The following BAIAP2L1 variants were observed in gnomAD, a reference collection of about 807,000 sequenced individuals.
The protein encoded by BAIAP2L1 is BAR/IMD domain-containing adapter protein 2-like 1.
A neutral mutation model predicts 66.3 loss-of-function variants in BAIAP2L1; 35 were observed. The ratio of observed to expected loss-of-function variants is 0.53; its 90% CI spans 0.40 to 0.70. BAIAP2L1 has a LOEUF of 0.70. Among genes scored for constraint, BAIAP2L1 ranks in the 30% least tolerant of loss-of-function variants. BAIAP2L1 has a pLI of 0.00. For synonymous variants in BAIAP2L1, 269 were observed against 248.7 expected, an observed-to-expected ratio of 1.08 and a Z score of -0.77; for missense variants, 622 against 656.9, an observed-to-expected ratio of 0.95 and a Z score of 0.58.
rs181283342 is a variant in BAIAP2L1 at position 98,348,529 on chromosome 7, T to C, written c.214+6513A>G. On this transcript the variant is annotated intron_variant, in intron 3 of 13. Transcript: ENST00000005260. ...TTGCAGTGAGCCGAGATTGCACCAC[T>C]GCACTTCAGCCTGGGCAACAGAGTG... is the stretch of plus-strand genomic sequence containing the variant. 5.6e-5 allele frequency among the ~76,000 whole-genome samples: 8 copies of C among 144,134 alleles called. No homozygotes were observed. In the East Asian group the frequency reaches 1.2e-3, roughly 22 times the overall value. The allele number at this position is 144,134 out of a possible 152,430, so 94.6% of individuals were successfully genotyped here. A position where few individuals can be genotyped will look rare whatever the true frequency, so the allele number is the denominator to read the frequency against.
chr7:98,394,029 G>T (rs1348530207), intron 1 of BAIAP2L1, among the ~76,000 whole-genome samples: 1 of 152,038 alleles, frequency 6.6e-6, no homozygotes, highest in African/African-American at 2.4e-5. Flanking sequence ...AGATCATGAG[G>T]TCAGGAGATG....
intron 3 of BAIAP2L1, among the ~76,000 whole-genome samples, chr7:98,340,667 G>A (rs1274158152): frequency 1.5e-4 from 23 of 152,006 alleles, no homozygotes; most frequent in Admixed American, 1.5e-3. Context: ...TGTTCTTCTT[G>A]TAACAACTTT....
In BAIAP2L1 at chr7:98,292,588, A is replaced by C. The variant is rs1800013718; in HGVS notation, c.*933T>G. On this transcript the variant is annotated 3_prime_UTR_variant, in exon 14 of 14. Transcript: ENST00000005260. The stretch of plus-strand genomic sequence containing the variant: ...GTCCTCACATCCATACCATAGGGCC[A>C]GGTTCCGAGGGCATCATGGCTGCTA... The C allele has an allele frequency of 1.3e-6, 2 of 1,524,738 alleles. No homozygotes were observed. Among genetic ancestry groups the C allele is most frequent in the Non-Finnish European group, 1.8e-6 (2 of 1,122,606 alleles). The allele number at this position is 1,524,738 out of a possible 1,614,324, so 94.5% of individuals were successfully genotyped here.
At chr7:98,312,501 A>G (rs1299496663) in intron 7 of BAIAP2L1, among the ~76,000 whole-genome samples, 2 of 152,186 alleles carry the variant, frequency 1.3e-5, no homozygotes, top group Admixed American at 1.3e-4. Context: ...GTGTGAATAC[A>G]GAGCATGGGA....
At chr7:98,294,519 G>T (rs1418534839) in intron 12 of BAIAP2L1, among the ~76,000 whole-genome samples, 1 of 152,190 alleles carries the variant, frequency 6.6e-6, no homozygotes, top group Non-Finnish European at 1.5e-5. Context: ...GCTCACATGT[G>T]AACGAGCCGC....
intron 1 of BAIAP2L1, among the ~76,000 whole-genome samples, chr7:98,376,756 C>T (rs763094106): frequency 9.2e-5 from 14 of 151,892 alleles, no homozygotes; most frequent in Admixed American, 3.9e-4. Context: ...CACTTGAACC[C>T]GGGAGGTGCA....
chr7:98,306,754 C>A (rs1313283607), intron 10 of BAIAP2L1: 5 of 539,876 alleles, frequency 9.3e-6, no homozygotes, highest in Non-Finnish European at 1.6e-5. Context: ...GTTGCCCAGG[C>A]TGGAGTGCAG....
At chr7:98,341,727 CATG>C (rs748168854) in intron 3 of BAIAP2L1, among the ~76,000 whole-genome samples, 23 of 152,178 alleles carry the variant, frequency 1.5e-4, no homozygotes, top group Non-Finnish European at 1.3e-4. Flanking sequence ...ACAGTGCTGT[CATG>C]ATGATTATAG....
chr7:98,330,040 T>C (rs1216399008), intron 3 of BAIAP2L1, among the ~76,000 whole-genome samples: 1 of 152,196 alleles, frequency 6.6e-6, no homozygotes. Flanking sequence ...GTTAAATCCA[T>C]GCTAACTCCT....
At chr7:98,345,987 T>C (rs1224329980) in intron 3 of BAIAP2L1, among the ~76,000 whole-genome samples, 2 of 152,112 alleles carry the variant, frequency 1.3e-5, no homozygotes, top group African/African-American at 4.8e-5. Flanking sequence ...CGGTTGGAGT[T>C]AAATGGGAAG....
intron 2 of BAIAP2L1, among the ~76,000 whole-genome samples, chr7:98,359,768 T>TTTA (rs869098054): frequency 1.4e-5 from 2 of 144,446 alleles, no homozygotes; most frequent in Non-Finnish European, 1.5e-5. Flanking sequence ...TTTTTTTTTT[T>TTTA]AATTTTTTTG....
At chr7:98,349,584 CCT>C (rs957987313) in intron 3 of BAIAP2L1, among the ~76,000 whole-genome samples, 10 of 152,194 alleles carry the variant, frequency 6.6e-5, no homozygotes, top group South Asian at 2.1e-4. Context: ...TGAAAAGTCC[CCT>C]GTCAGCCTGG....
At chr7:98,295,141 A>G (rs994213178) in intron 12 of BAIAP2L1, among the ~76,000 whole-genome samples, 1 of 152,242 alleles carries the variant, frequency 6.6e-6, no homozygotes, top group Non-Finnish European at 1.5e-5. Flanking sequence ...AGGCCCTCTC[A>G]TGCCCGATGC....
chr7:98,335,516 A>G (rs1174957547), intron 3 of BAIAP2L1, among the ~76,000 whole-genome samples: 3 of 152,234 alleles, frequency 2.0e-5, no homozygotes, highest in Non-Finnish European at 2.9e-5. Flanking sequence ...ACCAAGTCTT[A>G]TTAATGCTGT....
At chr7:98,330,501 C>T (rs1230047713) in intron 3 of BAIAP2L1, among the ~76,000 whole-genome samples, 1 of 151,802 alleles carries the variant, frequency 6.6e-6, no homozygotes, top group East Asian at 1.9e-4. Flanking sequence ...CTACTAAAAA[C>T]ACAAAATTAG....
At chr7:98,369,954 G>C (rs1250123645) in intron 1 of BAIAP2L1, among the ~76,000 whole-genome samples, 5 of 152,022 alleles carry the variant, frequency 3.3e-5, no homozygotes, top group Non-Finnish European at 7.4e-5. Context: ...TTACAGGCAT[G>C]AGCCATCATA....
chr7:98,310,731 G>A, intron 8 of BAIAP2L1, 139 bp from the exon 9 acceptor site: 1 of 675,452 alleles, frequency 1.5e-6, no homozygotes, highest in Non-Finnish European at 2.2e-6. Flanking sequence ...GTGTTGCCCA[G>A]GCTGGAGTAC....
intron 3 of BAIAP2L1, among the ~76,000 whole-genome samples, chr7:98,337,123 G>A (rs904266703): frequency 6.6e-6 from 1 of 152,158 alleles, no homozygotes; most frequent in Non-Finnish European, 1.5e-5. Flanking sequence ...AACTCTTCAC[G>A]GGGTCACGGC....
intron 3 of BAIAP2L1, among the ~76,000 whole-genome samples, chr7:98,340,958 G>GTTTT (rs1562776656): frequency 5.4e-4 from 32 of 59,730 alleles, no homozygotes; most frequent in East Asian, 5.0e-3. Flanking sequence ...CCAGCTAATT[G>GTTTT]GTTTTTTTTT....
Sources: gnomAD v4.1 joint callset for allele counts (sites outside exome capture counted in the v4.1 genomes callset) on GRCh38, gnomAD v4.1.1 for gene constraint, MANE v1.5 for transcripts, NCBI Gene and HGNC (gene_info 2026-07-23, HGNC 2026-07-21) for gene names.